Variants in SHB observed in about 807,000 individuals in gnomAD.
SHB encodes the protein SH2 domain-containing adapter protein B.
In SHB, 20 loss-of-function variants were observed where a neutral mutation model predicts 52.3. That is an observed-to-expected ratio of 0.38 (90% CI 0.27 to 0.56). SHB has a LOEUF of 0.56. Ranked by LOEUF, SHB falls within the 20% of genes least tolerant of loss-of-function variation. The pLI is 0.71. For synonymous variants in SHB, 397 were observed against 316.5 expected (o/e 1.25, Z -2.70); for missense variants, 825 against 723.3 (o/e 1.14, Z -1.61).
intron 2 of SHB, among the ~76,000 whole-genome samples, chr9:37,994,933 C>T (rs1034503312): frequency 6.6e-6 from 1 of 152,308 alleles, no homozygotes; most frequent in Admixed American, 6.5e-5. Context: ...GCTGAGAAGG[C>T]ATGATCTGAT....
rs528364534 is a variant in SHB at position 37,990,330 on chromosome 9, C to T, written c.839-15493G>A. Among the ~76,000 whole-genome samples the T allele has an allele frequency of 2.6e-5, 4 of 152,304 alleles. No individual in the cohort carries two copies. In the East Asian group the frequency reaches 7.7e-4, roughly 29 times the overall value. ...CTCCTCCACCCTGGGAGCCTTGAGG[C>T]TTCTACCATTTTCTAGCCCTTTGCG... On this transcript the variant is annotated intron_variant, in intron 2 of 5. Coordinates refer to ENST00000377707, the MANE Select transcript of SHB (RefSeq NM_003028.3).
At chr9:37,965,560 C>T (rs558395956) in intron 3 of SHB, among the ~76,000 whole-genome samples, 15 of 150,292 alleles carry the variant, frequency 1.0e-4, no homozygotes, top group African/African-American at 2.9e-4. Context: ...TCCTGAGACC[C>T]GATTTACTCA....
At chr9:38,047,227 G>GA (rs1354994282) in intron 1 of SHB, among the ~76,000 whole-genome samples, 1 of 152,242 alleles carries the variant, frequency 6.6e-6, no homozygotes, top group East Asian at 1.9e-4. Flanking sequence ...TTACTTGTAT[G>GA]AAAAATAGTA....
intron 5 of SHB, among the ~76,000 whole-genome samples, chr9:37,942,450 AAGATACCTGCC>A (rs1223766675): frequency 5.3e-5 from 8 of 152,180 alleles, no homozygotes; most frequent in Non-Finnish European, 1.0e-4. Context: ...GCAAGTGGAG[AAGATACCTGCC>A]AGATACCTGC....
chr9:38,039,030 G>A (rs1821530706), intron 1 of SHB, among the ~76,000 whole-genome samples: 1 of 152,184 alleles, frequency 6.6e-6, no homozygotes, highest in South Asian at 2.1e-4. Context: ...GACGCTTATC[G>A]CTTATCAGGC....
intron 1 of SHB, among the ~76,000 whole-genome samples, chr9:38,021,876 C>A (rs1384917665): frequency 1.3e-5 from 2 of 152,202 alleles, no homozygotes; most frequent in Non-Finnish European, 2.9e-5. Flanking sequence ...CACGTCGCAT[C>A]TGCACATCCG....
intron 2 of SHB, among the ~76,000 whole-genome samples, chr9:38,000,234 A>C (rs144238042): frequency 5.3e-5 from 8 of 152,314 alleles, no homozygotes; most frequent in African/African-American, 1.7e-4. Flanking sequence ...TGAACAACTG[A>C]AGGAGACCCC....
intron 5 of SHB, among the ~76,000 whole-genome samples, chr9:37,922,579 G>A (rs1024847847): frequency 6.6e-6 from 1 of 152,184 alleles, no homozygotes; most frequent in South Asian, 2.1e-4. Context: ...AAGCACCCAC[G>A]AGTTTACCAC....
intron 1 of SHB, among the ~76,000 whole-genome samples, chr9:38,033,066 T>C (rs1564106604): frequency 6.6e-6 from 1 of 152,208 alleles, no homozygotes; most frequent in African/African-American, 2.4e-5. Context: ...ATGGTAGAAG[T>C]GGTTCCATTT....
intron 3 of SHB, among the ~76,000 whole-genome samples, chr9:37,964,527 C>T (rs912149803): frequency 7.2e-5 from 11 of 152,150 alleles, no homozygotes; most frequent in African/African-American, 2.4e-4. Context: ...AACGCAGAGG[C>T]CTCTACGGCT....
intron 1 of SHB, among the ~76,000 whole-genome samples, chr9:38,036,442 T>C (rs1052444496): frequency 6.6e-6 from 1 of 152,240 alleles, no homozygotes; most frequent in Non-Finnish European, 1.5e-5. Flanking sequence ...CACTAAAGAC[T>C]TGCCAAAACG....
intron 3 of SHB, among the ~76,000 whole-genome samples, chr9:37,956,860 G>T (rs994201012): frequency 6.6e-6 from 1 of 152,228 alleles, no homozygotes; most frequent in Non-Finnish European, 1.5e-5. Context: ...ATCTCATGGG[G>T]ATTAAAGCAG....
intron 1 of SHB, among the ~76,000 whole-genome samples, chr9:38,055,726 C>G (rs916007981): frequency 2.0e-5 from 3 of 152,180 alleles, no homozygotes; most frequent in African/African-American, 7.2e-5. Flanking sequence ...CCATAGGACT[C>G]AGCCCAGTGC....
At chr9:37,944,399 C>A (rs1832468950) in intron 5 of SHB, among the ~76,000 whole-genome samples, 1 of 152,210 alleles carries the variant, frequency 6.6e-6, no homozygotes, top group African/African-American at 2.4e-5. Context: ...CCCTAAATCC[C>A]TTCTGGGTGT....
At position 37,991,084 on chromosome 9, in the gene SHB, A is replaced by T. The variant is rs191989649; in HGVS notation, c.839-16247T>A. On this transcript the variant is annotated intron_variant, in intron 2 of 5. Coordinates refer to ENST00000377707, the MANE Select transcript of SHB (RefSeq NM_003028.3). Reference sequence around the variant, plus strand: ...TACCTAATGTGATAATTAAAATTTTAAAAGGAAGTTGCAAATGTGGCACAT... The same window carrying T: ...TACCTAATGTGATAATTAAAATTTTTAAAGGAAGTTGCAAATGTGGCACAT... 5.1e-4 allele frequency among the ~76,000 whole-genome samples: 77 copies of T among 152,332 alleles called. 1 individual carries two copies. The highest frequency in any genetic ancestry group is 3.4e-3 in the Middle Eastern group (1 of 294).
intron 3 of SHB, among the ~76,000 whole-genome samples, chr9:37,963,417 G>GC (rs1832715168): frequency 6.6e-6 from 1 of 152,226 alleles, no homozygotes; most frequent in Non-Finnish European, 1.5e-5. Flanking sequence ...AGGCTTCTTA[G>GC]CCCCTCTGCA....
chr9:37,959,687 C>T (rs1832673427), intron 3 of SHB, among the ~76,000 whole-genome samples: 1 of 152,140 alleles, frequency 6.6e-6, no homozygotes, highest in Non-Finnish European at 1.5e-5. Context: ...CCAAAAGGCT[C>T]TCTAGGACCC....
At chr9:37,992,025 A>G (rs1032528214) in intron 2 of SHB, among the ~76,000 whole-genome samples, 6 of 152,190 alleles carry the variant, frequency 3.9e-5, no homozygotes, top group African/African-American at 1.4e-4. Context: ...CAGATACAAC[A>G]TATCACTTCA....
chr9:37,995,108 C>T (rs1020925325), intron 2 of SHB, among the ~76,000 whole-genome samples: 2 of 152,188 alleles, frequency 1.3e-5, no homozygotes, highest in Non-Finnish European at 2.9e-5. Context: ...CGCTGCCAGA[C>T]AAGCTTCCTC....
Sources: allele counts gnomAD v4.1 joint callset (sites outside exome capture counted in the v4.1 genomes callset), GRCh38; gene constraint gnomAD v4.1.1; transcripts MANE v1.5; gene names NCBI Gene and HGNC (gene_info 2026-07-23, HGNC 2026-07-21).